TDRD9: variants seen among roughly 807,000 people sequenced by gnomAD.
The protein encoded by TDRD9 is tudor domain containing 9, also known as ATP-dependent RNA helicase TDRD9.
Under a neutral mutation model 172.6 loss-of-function variants are expected in TDRD9, and 124 were observed. The ratio of observed to expected loss-of-function variants is 0.72; its 90% CI spans 0.62 to 0.83. The LOEUF (loss-of-function observed/expected upper bound fraction) is 0.83. TDRD9 is among the 40% of genes least tolerant of loss of function. The pLI, the probability that TDRD9 is intolerant of heterozygous loss-of-function variation, is 0.00. For synonymous variants in TDRD9, 619 were observed against 617.1 expected (o/e 1.00, Z -0.05); for missense variants, 1,479 against 1,714.1 (o/e 0.86, Z 2.42).
intron 32 of TDRD9, among the ~76,000 whole-genome samples, chr14:104,039,815 A>G (rs2035559895): frequency 6.6e-6 from 1 of 152,212 alleles, no homozygotes; most frequent in Non-Finnish European, 1.5e-5. Context: ...TTGACAGGTC[A>G]TAAATATGTA....
At chr14:103,968,686 C>T (rs1436539084) in intron 5 of TDRD9, among the ~76,000 whole-genome samples, 13 of 146,492 alleles carry the variant, frequency 8.9e-5, no homozygotes, top group African/African-American at 3.3e-4. Flanking sequence ...GTCCCAGCTA[C>T]TCAGGAGGCT....
At chr14:104,033,733 G>A (rs1003469210) in intron 30 of TDRD9, among the ~76,000 whole-genome samples, 2 of 152,132 alleles carry the variant, frequency 1.3e-5, no homozygotes, top group African/African-American at 2.4e-5. Flanking sequence ...GATCATGCAC[G>A]AGGGAGTGGA....
chr14:103,928,581 G>C lies in TDRD9; in HGVS notation c.72G>C (p.Glu24Asp). The C allele has an allele frequency of 7.3e-7, 1 of 1,366,006 alleles. No homozygotes were observed. 84.6% of individuals were successfully genotyped at this position (1,366,006 alleles called of 1,614,324 possible). ...FTIGKTVTNV[E>D]LLGAPPAFPA... The stretch of plus-strand genomic sequence containing the variant: ...TCGGCAAGACGGTGACCAATGTGGA[G>C]CTGCTGGGCGCGCCGCCCGCCTTCC... Residue 24 changes from glutamate to aspartate, a missense_variant, in exon 1 of 36, where the codon GAG becomes GAC. By Grantham distance (45) the Glu-to-Asp change is conservative (BLOSUM62 2). Coordinates refer to ENST00000409874, the MANE Select transcript of TDRD9 (RefSeq NM_153046.3).
intron 9 of TDRD9, among the ~76,000 whole-genome samples, chr14:103,992,767 C>G (rs1439352950): frequency 6.6e-6 from 1 of 150,984 alleles, no homozygotes; most frequent in African/African-American, 2.4e-5. Flanking sequence ...ACTGAAAATA[C>G]AAAAAAAATT....
intron 1 of TDRD9, among the ~76,000 whole-genome samples, chr14:103,929,196 G>A (rs181526567): frequency 6.6e-6 from 1 of 152,032 alleles, no homozygotes; most frequent in Non-Finnish European, 1.5e-5. Context: ...CTAACGTCAC[G>A]CATTACAGAG....
intron 18 of TDRD9, 61 bp from the exon 19 acceptor site, chr14:104,007,099 A>G: frequency 1.4e-6 from 2 of 1,477,548 alleles, no homozygotes; most frequent in East Asian, 2.3e-5. Context: ...TTGAAATTGT[A>G]CTTAAAAAAA....
At chr14:103,942,534 C>T (rs982687465) in intron 1 of TDRD9, among the ~76,000 whole-genome samples, 1 of 152,162 alleles carries the variant, frequency 6.6e-6, no homozygotes, top group African/African-American at 2.4e-5. Flanking sequence ...AAGACTGTCG[C>T]GTGATGTGAT....
At chr14:104,037,976 C>T (rs2035500833) in intron 32 of TDRD9, among the ~76,000 whole-genome samples, 1 of 152,182 alleles carries the variant, frequency 6.6e-6, no homozygotes, top group African/African-American at 2.4e-5. Flanking sequence ...CAGAATGCTC[C>T]ATGGTAGCAG....
At chr14:103,992,707 A>G (rs546470738) in intron 9 of TDRD9, among the ~76,000 whole-genome samples, 5 of 152,010 alleles carry the variant, frequency 3.3e-5, no homozygotes, top group Non-Finnish European at 5.9e-5. Context: ...GTGGATCACG[A>G]GGTCAGGAGA....
chr14:103,974,788 G>A (rs1037867666), intron 6 of TDRD9, among the ~76,000 whole-genome samples: 2 of 151,958 alleles, frequency 1.3e-5, no homozygotes, highest in Non-Finnish European at 2.9e-5. Context: ...CTACAAGAGG[G>A]CACCATCATG....
At position 103,998,687 on chromosome 14, in the gene TDRD9, G is replaced by T; in HGVS notation, c.1442G>T (p.Arg481Leu). 6.2e-7 allele frequency: 1 copy of T among 1,611,054 alleles called. No homozygotes were observed. Among genetic ancestry groups the T allele is most frequent in the East Asian group, 2.2e-5 (1 of 44,850 alleles). Residue 481 changes from arginine to leucine, a missense_variant, in exon 13 of 36, where the codon CGA (arginine) becomes CTA (leucine). Transcript: ENST00000409874. ...CDEDTNYQSL[R>L]LSWASKTSCN... ...GAAGATACAAATTATCAGAGTCTGCGATTGAGTTGGGCTTCTAAAACCAGC... is the reference window on the plus strand; with the variant it reads ...GAAGATACAAATTATCAGAGTCTGCTATTGAGTTGGGCTTCTAAAACCAGC...
intron 1 of TDRD9, among the ~76,000 whole-genome samples, chr14:103,932,744 G>C (rs1272357000): frequency 6.6e-6 from 1 of 152,128 alleles, no homozygotes; most frequent in African/African-American, 2.4e-5. Context: ...ATTTGTTAGA[G>C]ATAGTCACTC....
Position 103,994,597 on chromosome 14 carries a change from C to T in TDRD9, c.1314C>T (p.Tyr438=), listed in dbSNP as rs1288086127. ...TCTTTTTAAGTCCAGTCCCTGGGTA[C>T]AGAAAGGTAGGAAAACTGGGAAGAC... ...NNVFLSPVPG[Y]RKIILSTNIA... The change falls in exon 11 of 36, where the codon TAC becomes TAT. Residue 438 remains tyrosine (Y), a synonymous_variant. Transcript: ENST00000409874. 5.6e-6 allele frequency: 9 copies of T among 1,612,446 alleles called. No homozygotes were observed. Among genetic ancestry groups the T allele is most frequent in the South Asian group, 1.1e-5 (1 of 90,824 alleles).
At chr14:103,990,995 T>C (rs1473812185) in intron 8 of TDRD9, among the ~76,000 whole-genome samples, 165 bp from the exon 9 acceptor site, 4 of 152,230 alleles carry the variant, frequency 2.6e-5, no homozygotes, top group Non-Finnish European at 5.9e-5. Context: ...TTGGATGTTT[T>C]CTCATCTTTT....
chr14:103,945,752 T>C (rs1232018018), intron 1 of TDRD9, among the ~76,000 whole-genome samples: 1 of 152,192 alleles, frequency 6.6e-6, no homozygotes, highest in Non-Finnish European at 1.5e-5. Context: ...GTATCATGCA[T>C]AATATATGTG....
intron 8 of TDRD9, among the ~76,000 whole-genome samples, chr14:103,987,735 G>C (rs2033724064): frequency 6.6e-6 from 1 of 152,090 alleles, no homozygotes; most frequent in Admixed American, 6.6e-5. Context: ...GTTTTTAGAT[G>C]GAGTGTTCTA....
chr14:104,033,998 T>C lies in TDRD9; in HGVS notation c.3548T>C (p.Ile1183Thr). The change falls in exon 31 of 36, where the codon ATT (isoleucine) becomes ACT (threonine). Residue 1183 changes from isoleucine to threonine, a missense_variant. Around this residue, in one of 3 missense-constraint regions of TDRD9, gnomAD observed 1,413 missense variants for 1,649.1 expected, o/e 0.86. Transcript: ENST00000409874. ...WIEKESINSV[I>T]ISDAPEDLHQ... ...GAGAAGGAGAGCATCAACTCTGTCA[T>C]TATCAGTGACGCCCCTGAAGACCTT... is the stretch of plus-strand genomic sequence containing the variant. The C allele has an allele frequency of 3.9e-6, 6 of 1,551,718 alleles. No individual in the cohort carries two copies. Among genetic ancestry groups the C allele is most frequent in the Middle Eastern group, 1.7e-4 (1 of 5,996 alleles).
intron 7 of TDRD9, among the ~76,000 whole-genome samples, chr14:103,984,531 G>A (rs773329599): frequency 3.9e-5 from 6 of 152,216 alleles, no homozygotes; most frequent in Non-Finnish European, 8.8e-5. Flanking sequence ...TTAAGCCTGT[G>A]GGTGCACAGA....
chr14:103,928,761 G>A (rs1400228776), intron 1 of TDRD9, 37 bp downstream of exon 1: 2 of 834,940 alleles, frequency 2.4e-6, no homozygotes, highest in Non-Finnish European at 3.1e-6. Context: ...CTGGAGGGCG[G>A]CCGGGCGAGG....
Sources: allele counts gnomAD v4.1 joint callset (sites outside exome capture counted in the v4.1 genomes callset), GRCh38; gene constraint gnomAD v4.1.1; regional missense constraint gnomAD v4.1.1; transcripts MANE v1.5; gene names NCBI Gene and HGNC (gene_info 2026-07-23, HGNC 2026-07-21).